The following GRM3 variants were observed in gnomAD, a reference collection of about 807,000 sequenced individuals.
GRM3 encodes the protein glutamate metabotropic receptor 3.
Under a neutral mutation model 70.5 loss-of-function variants are expected in GRM3, and 26 were observed. The observed-to-expected ratio is 0.37, with a 90% CI of 0.27 to 0.51. GRM3 has a LOEUF of 0.51. Among genes scored for constraint, GRM3 ranks in the 20% least tolerant of loss-of-function variants. The pLI is 0.93. For synonymous variants in GRM3, 443 were observed against 434.9 expected (o/e 1.02, Z -0.23); for missense variants, 859 against 1,123.8 (o/e 0.76, Z 3.37).
At chr7:86,799,856 C>T (rs903151065) in intron 3 of GRM3, among the ~76,000 whole-genome samples, 17 of 152,090 alleles carry the variant, frequency 1.1e-4, no homozygotes, top group Non-Finnish European at 1.6e-4. Context: ...GAGTTTTTAA[C>T]GTGAAGGTAT....
At chr7:86,809,903 C>T (rs938321518) in intron 3 of GRM3, among the ~76,000 whole-genome samples, 7 of 152,008 alleles carry the variant, frequency 4.6e-5, no homozygotes, top group Non-Finnish European at 7.4e-5. Flanking sequence ...ACACCATTCC[C>T]AAACAAACAA....
intron 1 of GRM3, among the ~76,000 whole-genome samples, chr7:86,716,683 C>CAAA (rs55934116): frequency 1.6e-4 from 22 of 139,400 alleles, no homozygotes; most frequent in African/African-American, 5.5e-4. Context: ...CAGTTATATG[C>CAAA]AAAAAAAAAA....
intron 1 of GRM3, among the ~76,000 whole-genome samples, chr7:86,696,708 T>C (rs1310883807): frequency 1.3e-5 from 2 of 151,942 alleles, no homozygotes; most frequent in Non-Finnish European, 2.9e-5. Flanking sequence ...GTGGTGGTGG[T>C]GGTGGTGGTG....
At chr7:86,851,432 A>G (rs1798753252) in intron 5 of GRM3, among the ~76,000 whole-genome samples, 1 of 152,162 alleles carries the variant, frequency 6.6e-6, no homozygotes, top group Non-Finnish European at 1.5e-5. Flanking sequence ...ATTTTCAGCT[A>G]AATTGTGGTA....
At chr7:86,802,127 C>G (rs142740204) in intron 3 of GRM3, among the ~76,000 whole-genome samples, 2 of 152,230 alleles carry the variant, frequency 1.3e-5, no homozygotes, top group East Asian at 3.9e-4. Context: ...AAAAATCCAT[C>G]AGGTTGGTAG....
intron 4 of GRM3, among the ~76,000 whole-genome samples, chr7:86,843,371 G>A (rs1043756606): frequency 3.3e-5 from 5 of 152,078 alleles, no homozygotes; most frequent in African/African-American, 4.8e-5. Flanking sequence ...TATGAAGGAC[G>A]GATTTGAAAG....
intron 1 of GRM3, among the ~76,000 whole-genome samples, chr7:86,657,641 C>T (rs542133323): frequency 3.9e-5 from 6 of 152,144 alleles, no homozygotes; most frequent in African/African-American, 1.2e-4. Context: ...GACACTTGAG[C>T]AGGGGAATCT....
At chr7:86,791,556 T>A (rs1243930187) in intron 3 of GRM3, among the ~76,000 whole-genome samples, 1 of 152,092 alleles carries the variant, frequency 6.6e-6, no homozygotes, top group Middle Eastern at 3.2e-3. Context: ...GCCAGGACTG[T>A]TAGCTCGTTA....
intron 1 of GRM3, among the ~76,000 whole-genome samples, chr7:86,727,284 C>A (rs1795614318): frequency 6.6e-6 from 1 of 152,118 alleles, no homozygotes; most frequent in Admixed American, 6.6e-5. Flanking sequence ...TCATTGTGGT[C>A]TACTCCCTAG....
intron 1 of GRM3, among the ~76,000 whole-genome samples, chr7:86,668,725 T>C (rs542214721): frequency 6.6e-6 from 1 of 152,252 alleles, no homozygotes; most frequent in East Asian, 1.9e-4. Context: ...TTAACTGTCA[T>C]TGAGGAAGAG....
intron 3 of GRM3, among the ~76,000 whole-genome samples, chr7:86,803,502 G>A (rs922291700): frequency 6.6e-5 from 10 of 152,232 alleles, no homozygotes; most frequent in African/African-American, 2.4e-4. Context: ...TGATCTCATG[G>A]TTTTATTTAA....
intron 5 of GRM3, among the ~76,000 whole-genome samples, chr7:86,857,820 G>T (rs984725942): frequency 2.0e-5 from 3 of 152,112 alleles, no homozygotes; most frequent in Non-Finnish European, 2.9e-5. Context: ...AAGAATGCAG[G>T]ATTGGTAGAA....
chr7:86,766,029 G>A (rs1291248358), intron 2 of GRM3, among the ~76,000 whole-genome samples: 1 of 152,092 alleles, frequency 6.6e-6, no homozygotes, highest in Non-Finnish European at 1.5e-5. Flanking sequence ...AGGTGCAAGA[G>A]AATGCAAACT....
intron 1 of GRM3, among the ~76,000 whole-genome samples, chr7:86,674,360 G>A (rs529559974): frequency 6.6e-6 from 1 of 152,098 alleles, no homozygotes; most frequent in Non-Finnish European, 1.5e-5. Context: ...AGATCCAAGA[G>A]AAAGAGAACA....
At chr7:86,746,320 T>A (rs1796100202) in intron 1 of GRM3, among the ~76,000 whole-genome samples, 1 of 120,604 alleles carries the variant, frequency 8.3e-6, no homozygotes, top group Non-Finnish European at 1.7e-5. Context: ...AATATATGAC[T>A]AATAGAGGGT....
intron 2 of GRM3, chr7:86,776,078 G>A (rs964041488): frequency 7.3e-5 from 11 of 151,444 alleles, no homozygotes; most frequent in East Asian, 5.8e-4. Flanking sequence ...TTGTATAATC[G>A]ACATCAGTCA....
intron 2 of GRM3, among the ~76,000 whole-genome samples, chr7:86,779,919 C>T (rs1797000384): frequency 6.6e-6 from 1 of 152,146 alleles, no homozygotes; most frequent in African/African-American, 2.4e-5. Context: ...CAAGTAAAGC[C>T]CATTCTAAAT....
rs1797247161 is a variant in GRM3, at chr7:86,786,434, C to T, written c.642C>T (p.Ser214=). 1.9e-6 allele frequency: 3 copies of T among 1,614,106 alleles called. No individual in the cohort carries two copies. The highest frequency in any genetic ancestry group is 1.1e-5 in the South Asian group (1 of 91,092). The change falls in exon 3 of 6, where the codon TCC becomes TCT. Residue 214 remains serine (S), a synonymous_variant. Coordinates refer to ENST00000361669, the MANE Select transcript of GRM3 (RefSeq NM_000840.3). This position sits in a 1 kb window ranked among gnomAD's most constrained non-coding sequence, Gnocchi z 6.0. Reference sequence around the variant, plus strand: ...GCTTCTTCAACTGGACCTACGTGTCCACAGTAGCCTCCGAGGGTGATTACG... The same window carrying T: ...GCTTCTTCAACTGGACCTACGTGTCTACAGTAGCCTCCGAGGGTGATTACG... ...ILRFFNWTYV[S]TVASEGDYGE... is the part of the protein sequence containing the mutation.
At chr7:86,733,851 C>T (rs1010425019) in intron 1 of GRM3, among the ~76,000 whole-genome samples, 17 of 152,202 alleles carry the variant, frequency 1.1e-4, no homozygotes, top group Admixed American at 9.2e-4. Flanking sequence ...GGTAATTACA[C>T]CTTTTACTGA....
Sources: allele counts gnomAD v4.1 joint callset (sites outside exome capture counted in the v4.1 genomes callset), GRCh38; gene constraint gnomAD v4.1.1; non-coding constraint Gnocchi (gnomAD v3.1); transcripts MANE v1.5; gene names NCBI Gene and HGNC (gene_info 2026-07-23, HGNC 2026-07-21).